WDFY1: variants seen among roughly 807,000 people sequenced by gnomAD.
The protein encoded by WDFY1 is WD repeat and FYVE domain-containing protein 1.
A neutral mutation model predicts 56.4 loss-of-function variants in WDFY1; 32 were observed. The observed-to-expected ratio is 0.57, with a 90% CI of 0.43 to 0.76. The LOEUF (loss-of-function observed/expected upper bound fraction) is 0.76. Ranked by LOEUF, WDFY1 falls within the 30% of genes least tolerant of loss-of-function variation. The pLI, the probability that WDFY1 is intolerant of heterozygous loss-of-function variation, is 0.00. For missense variants in WDFY1, 480 were observed against 545.7 expected (o/e 0.88, Z 1.20); for synonymous variants, 192 against 197.3 (o/e 0.97, Z 0.23).
At chr2:223,895,289 T>TG (rs1176158397) in intron 7 of WDFY1, among the ~76,000 whole-genome samples, 134 of 151,362 alleles carry the variant, frequency 8.9e-4, no homozygotes, top group African/African-American at 3.1e-3. Context: ...TGCATTTGTT[T>TG]TTTTGTTTGT....
intron 1 of WDFY1, among the ~76,000 whole-genome samples, chr2:223,922,842 G>C (rs1367028174): frequency 6.6e-6 from 1 of 152,152 alleles, no homozygotes; most frequent in African/African-American, 2.4e-5. Context: ...TACAGCTTTA[G>C]AATACTTAAA....
intron 6 of WDFY1, among the ~76,000 whole-genome samples, chr2:223,897,310 G>A (rs1242153260): frequency 1.4e-5 from 2 of 145,870 alleles, no homozygotes; most frequent in Non-Finnish European, 3.0e-5. Context: ...TTACAGCTTA[G>A]CATCTGACAT....
chr2:223,879,091 G>A (rs551268472), intron 11 of WDFY1, among the ~76,000 whole-genome samples: 58 of 152,322 alleles, frequency 3.8e-4, no homozygotes, highest in African/African-American at 1.3e-3. Context: ...AGAGGCTGAG[G>A]TGGGAGGATC....
At chr2:223,883,154 G>A (rs1693105003) in intron 9 of WDFY1, among the ~76,000 whole-genome samples, 2 of 152,078 alleles carry the variant, frequency 1.3e-5, no homozygotes, top group African/African-American at 4.8e-5. Context: ...CAAAATGCTG[G>A]GATTACAGGC....
intron 2 of WDFY1, among the ~76,000 whole-genome samples, chr2:223,912,912 TA>T (rs1693728466): frequency 6.6e-6 from 1 of 152,270 alleles, no homozygotes; most frequent in East Asian, 1.9e-4. Context: ...AATTGTCTTT[TA>T]CCAAAAATTA....
intron 8 of WDFY1, among the ~76,000 whole-genome samples, chr2:223,889,734 T>A (rs1213454997): frequency 2.6e-5 from 4 of 152,210 alleles, no homozygotes; most frequent in Non-Finnish European, 5.9e-5. Flanking sequence ...GACTAATACA[T>A]CTGTAAAATG....
rs60759568 is a variant in WDFY1, at chr2:223,884,859, C to CTTCTTTT, written c.832-111_832-110insAAAAGAA. On this transcript the variant is annotated intron_variant, in intron 8 of 11. Coordinates refer to ENST00000233055, the MANE Select transcript of WDFY1 (RefSeq NM_020830.5). ...TGCCAAGGTTAGTATTTCTTTTCTTCTTTTTTTTTTTTTTTTGGTCTCCCA... is the reference window on the plus strand; with the variant it reads ...TGCCAAGGTTAGTATTTCTTTTCTTCTTCTTTTTTTTTTTTTTTTTTTTGGTCTCCCA... 56 of 689,600 alleles carry CTTCTTTT rather than the reference C, an allele frequency of 8.1e-5. 1 individual carries two copies. Among genetic ancestry groups the CTTCTTTT allele is most frequent in the Non-Finnish European group, 9.6e-5 (43 of 446,042 alleles). The allele number at this position is 689,600 out of a possible 1,614,324, so 42.7% of individuals were successfully genotyped here. A position where few individuals can be genotyped will look rare whatever the true frequency, so the allele number is the denominator to read the frequency against.
intron 8 of WDFY1, among the ~76,000 whole-genome samples, chr2:223,889,272 G>T (rs186452678): frequency 8.6e-4 from 131 of 152,272 alleles, no homozygotes; most frequent in Admixed American, 2.7e-3. Flanking sequence ...TCGTCACAAA[G>T]TCTAGGAGTC....
At chr2:223,883,610 G>A (rs1025439446) in intron 9 of WDFY1, among the ~76,000 whole-genome samples, 3 of 27,872 alleles carry the variant, frequency 1.1e-4, no homozygotes, top group Non-Finnish European at 5.2e-4. Context: ...CCTTACTGTG[G>A]AGTATCTCTG....
At chr2:223,901,776 C>T (rs1693511578) in intron 4 of WDFY1, among the ~76,000 whole-genome samples, 1 of 152,146 alleles carries the variant, frequency 6.6e-6, no homozygotes, top group Non-Finnish European at 1.5e-5. Flanking sequence ...TCAGAAAACA[C>T]TGGCATTCTA....
At position 223,877,501 on chromosome 2, in the gene WDFY1, C is replaced by T. The variant is rs954831713; in HGVS notation, c.*1170G>A. The T allele has an allele frequency of 6.6e-6, 1 of 152,208 alleles. No homozygotes were observed. The allele number at this position is 152,208 out of a possible 1,614,324, so 9.4% of individuals were successfully genotyped here. ...AAAAGACAGGCTCCTCATTTCTTCT[C>T]TTCCTCATCCTGGTACACAGTGCCC... On this transcript the variant is annotated 3_prime_UTR_variant, in exon 12 of 12. Transcript: ENST00000233055.
Position 223,878,749 on chromosome 2 carries a change from C to G in WDFY1, c.1174-19G>C. On this transcript the variant is annotated intron_variant, in intron 11 of 11. Coordinates refer to ENST00000233055, the MANE Select transcript of WDFY1 (RefSeq NM_020830.5). ...CCCAGATCTACAAGGAAGGAAGAAA[C>G]GCAGAAAAGGCAGCAGTGATAACCA... 1.2e-6 allele frequency: 2 copies of G among 1,613,860 alleles called. No individual in the cohort carries two copies. Among genetic ancestry groups the G allele is most frequent in the Non-Finnish European group, 1.7e-6 (2 of 1,179,870 alleles).
intron 8 of WDFY1, 21 bp downstream of exon 8, chr2:223,894,213 G>A: frequency 6.2e-7 from 1 of 1,613,326 alleles, no homozygotes; most frequent in Non-Finnish European, 8.5e-7. Context: ...CGATCAGCCT[G>A]GACTTGCCCT....
intron 4 of WDFY1, among the ~76,000 whole-genome samples, chr2:223,903,841 T>C (rs1693551824): frequency 6.6e-6 from 1 of 152,034 alleles, no homozygotes; most frequent in Admixed American, 6.6e-5. Context: ...ATGGTCTCTC[T>C]ATGTTGCCCA....
chr2:223,935,969 C>T (rs1694161877), intron 1 of WDFY1, among the ~76,000 whole-genome samples: 1 of 151,052 alleles, frequency 6.6e-6, no homozygotes, highest in South Asian at 2.1e-4. Context: ...CACACACTGA[C>T]TTCACTGGAC....
At chr2:223,927,821 T>A (rs769486655) in intron 1 of WDFY1, among the ~76,000 whole-genome samples, 3 of 152,192 alleles carry the variant, frequency 2.0e-5, no homozygotes, top group Non-Finnish European at 4.4e-5. Flanking sequence ...GTTAGAGATA[T>A]GTGACTCTTC....
intron 1 of WDFY1, among the ~76,000 whole-genome samples, chr2:223,931,678 TTTTC>T (rs1321848282): frequency 2.3e-5 from 1 of 44,328 alleles, no homozygotes; most frequent in Non-Finnish European, 9.5e-5. Flanking sequence ...TCATTAATAT[TTTTC>T]TTTCTTTTTT....
intron 1 of WDFY1, 49 bp downstream of exon 1, chr2:223,945,099 A>T (rs1689387939): frequency 1.3e-6 from 2 of 1,535,518 alleles, no homozygotes; most frequent in Non-Finnish European, 1.7e-6. Context: ...CCGCCCCCAC[A>T]CCCCGTCGTC....
In WDFY1 at chr2:223,878,362, T is replaced by C. The variant is rs1004819567; in HGVS notation, c.*309A>G. 1.3e-5 allele frequency: 3 copies of C among 232,150 alleles called. No individual in the cohort carries two copies. The highest frequency in any genetic ancestry group is 9.5e-5 in the East Asian group (1 of 10,498). 14.4% of individuals were successfully genotyped at this position (232,150 alleles called of 1,614,324 possible). On this transcript the variant is annotated 3_prime_UTR_variant, in exon 12 of 12. Coordinates refer to ENST00000233055, the MANE Select transcript of WDFY1 (RefSeq NM_020830.5). ...TCTAAGCATTCACTTTTTTGTTTGATTTTTTGTCCCCGCTAAAACTCATTT... is the reference window on the plus strand; with the variant it reads ...TCTAAGCATTCACTTTTTTGTTTGACTTTTTGTCCCCGCTAAAACTCATTT...
Sources: gnomAD v4.1 joint callset for allele counts (sites outside exome capture counted in the v4.1 genomes callset) on GRCh38, gnomAD v4.1.1 for gene constraint, MANE v1.5 for transcripts, NCBI Gene and HGNC (gene_info 2026-07-23, HGNC 2026-07-21) for gene names.